SEMA3A: variants seen among roughly 807,000 people sequenced by gnomAD.
SEMA3A encodes semaphorin 3A.
A neutral mutation model predicts 97.9 loss-of-function variants in SEMA3A; 29 were observed. The ratio of observed to expected loss-of-function variants is 0.30; its 90% CI spans 0.22 to 0.40. SEMA3A has a LOEUF of 0.40. SEMA3A is among the 10% of genes least tolerant of loss of function. The pLI is 1.00. For synonymous variants in SEMA3A, 321 were observed against 323.7 expected (o/e 0.99, Z 0.09); for missense variants, 763 against 951.3 (o/e 0.80, Z 2.60).
At chr7:84,310,300 A>G (rs1431821186) in intron 2 of SEMA3A, among the ~76,000 whole-genome samples, 1 of 151,854 alleles carries the variant, frequency 6.6e-6, no homozygotes, top group African/African-American at 2.4e-5. Flanking sequence ...TTTTTCACCT[A>G]TCTTTGGGGA....
intron 3 of SEMA3A, among the ~76,000 whole-genome samples, chr7:84,206,860 A>G (rs183170252): frequency 7.6e-4 from 115 of 151,952 alleles, no homozygotes; most frequent in Non-Finnish European, 9.7e-4. Context: ...TGAGTAAGAT[A>G]TTTTTCTATG....
intron 5 of SEMA3A, among the ~76,000 whole-genome samples, chr7:84,050,576 T>C (rs1269177229): frequency 1.3e-5 from 2 of 152,086 alleles, no homozygotes; most frequent in African/African-American, 4.8e-5. Flanking sequence ...TTCTTGTAAA[T>C]TTGTTTGAGT....
intron 6 of SEMA3A, among the ~76,000 whole-genome samples, chr7:84,021,518 C>T (rs1013379350): frequency 2.4e-4 from 36 of 152,278 alleles, no homozygotes; most frequent in African/African-American, 6.7e-4. Flanking sequence ...TCCCTGCCTC[C>T]GGCCTTACCA....
intron 2 of SEMA3A, among the ~76,000 whole-genome samples, chr7:84,326,393 T>C (rs1367010293): frequency 6.6e-6 from 1 of 152,136 alleles, no homozygotes; most frequent in African/African-American, 2.4e-5. Context: ...TCTTGAATTA[T>C]TTGCTTTTGA....
chr7:84,414,411 C>CAGTATT (rs1359259145), intron 1 of SEMA3A, among the ~76,000 whole-genome samples: 1 of 139,090 alleles, frequency 7.2e-6, no homozygotes, highest in Non-Finnish European at 1.6e-5. Flanking sequence ...AAAAAAAAAA[C>CAGTATT]AGTATTGTTA....
intron 1 of SEMA3A, among the ~76,000 whole-genome samples, chr7:84,373,929 T>C (rs180960226): frequency 1.4e-4 from 21 of 152,318 alleles, no homozygotes; most frequent in African/African-American, 2.2e-4. Flanking sequence ...GTTGAAAATA[T>C]GGCATGAGAT....
intron 1 of SEMA3A, among the ~76,000 whole-genome samples, chr7:84,452,184 G>T (rs1439917385): frequency 6.6e-6 from 1 of 152,114 alleles, no homozygotes; most frequent in East Asian, 1.9e-4. Context: ...AGGCTTCAAA[G>T]TTCAGTGTTT....
chr7:84,419,101 A>G (rs931383387), intron 1 of SEMA3A, among the ~76,000 whole-genome samples: 1 of 152,032 alleles, frequency 6.6e-6, no homozygotes, highest in African/African-American at 2.4e-5. Flanking sequence ...GTATGGCTAT[A>G]TGAGATTAGT....
chr7:84,288,485 G>A (rs79260887), intron 3 of SEMA3A, among the ~76,000 whole-genome samples: 5,009 of 152,174 alleles, frequency 0.033, 93 homozygotes, highest in Middle Eastern at 0.065. Flanking sequence ...ATCACTTGAG[G>A]TCAGGAGTTC....
intron 1 of SEMA3A, among the ~76,000 whole-genome samples, chr7:84,450,102 G>A (rs1488440490): frequency 6.6e-6 from 1 of 152,056 alleles, no homozygotes; most frequent in African/African-American, 2.4e-5. Context: ...ATATCCAAAA[G>A]TTGGATTGCA....
At chr7:84,163,634 TAAAC>T (rs1172652534) in intron 1 of SEMA3A, among the ~76,000 whole-genome samples, 3 of 152,172 alleles carry the variant, frequency 2.0e-5, no homozygotes, top group Non-Finnish European at 2.9e-5. Flanking sequence ...TTTTACATGT[TAAAC>T]AATAAAATAA....
chr7:84,444,526 T>G (rs1805355206), intron 1 of SEMA3A, among the ~76,000 whole-genome samples: 1 of 152,048 alleles, frequency 6.6e-6, no homozygotes. Flanking sequence ...TTCAACATAG[T>G]CTTGTACATG....
intron 1 of SEMA3A, among the ~76,000 whole-genome samples, chr7:84,424,655 A>G (rs1804722377): frequency 1.1e-5 from 1 of 95,114 alleles, no homozygotes; most frequent in Admixed American, 1.9e-4. Context: ...ATATTTATAT[A>G]TTATATAATA....
At chr7:83,995,419 T>C (rs1584522270) in intron 12 of SEMA3A, among the ~76,000 whole-genome samples, 2 of 152,274 alleles carry the variant, frequency 1.3e-5, no homozygotes, top group East Asian at 3.9e-4. Context: ...CTGTGTCATA[T>C]TAAGATTTTA....
At chr7:84,288,825 C>CA (rs1800663738) in intron 3 of SEMA3A, among the ~76,000 whole-genome samples, 1 of 152,080 alleles carries the variant, frequency 6.6e-6, no homozygotes. Flanking sequence ...TGAGGTTCCA[C>CA]AAAAAAACTG....
At chr7:84,452,730 G>T (rs1027112627) in intron 1 of SEMA3A, among the ~76,000 whole-genome samples, 1 of 152,222 alleles carries the variant, frequency 6.6e-6, no homozygotes, top group South Asian at 2.1e-4. Context: ...GCTGATGAAA[G>T]ACTGCACACG....
At chr7:84,128,821 G>A (rs557709721) in intron 3 of SEMA3A, among the ~76,000 whole-genome samples, 26 of 152,080 alleles carry the variant, frequency 1.7e-4, no homozygotes, top group African/African-American at 4.6e-4. Flanking sequence ...GGAAAATTCC[G>A]CACCTGACCT....
intron 1 of SEMA3A, among the ~76,000 whole-genome samples, chr7:84,141,766 TATAACTG>T (rs1193110754): frequency 3.9e-5 from 6 of 152,286 alleles, no homozygotes; most frequent in African/African-American, 1.4e-4. Flanking sequence ...AGCTCGCACT[TATAACTG>T]AGAACATGCA....
chr7:84,090,984 T>G lies in SEMA3A; in HGVS notation c.453+19486A>C, dbSNP rs149329249. Among the ~76,000 whole-genome samples the G allele has an allele frequency of 5.3e-3, 794 of 150,742 alleles. 4 individuals are homozygous for G. Among genetic ancestry groups the G allele is most frequent in the East Asian group, 0.017 (86 of 5,090 alleles). Reference sequence around the variant, plus strand: ...CAGGAGGCTGAGGCCAGAGAATCACTTGAACCCGGGAGACAGAGTTTGCAG... The same window carrying G: ...CAGGAGGCTGAGGCCAGAGAATCACGTGAACCCGGGAGACAGAGTTTGCAG... On this transcript the variant is annotated intron_variant, in intron 4 of 16. Transcript: ENST00000265362.
Sources: allele counts gnomAD v4.1 joint callset (sites outside exome capture counted in the v4.1 genomes callset), GRCh38; gene constraint gnomAD v4.1.1; transcripts MANE v1.5; gene names NCBI Gene and HGNC (gene_info 2026-07-23, HGNC 2026-07-21).